The following IPMK variants were observed in gnomAD, a reference collection of about 807,000 sequenced individuals.
The protein encoded by IPMK is inositol polyphosphate multikinase.
IPMK carries 17 observed loss-of-function variants against 45.8 expected under a neutral mutation model. The ratio of observed to expected loss-of-function variants is 0.37; its 90% CI spans 0.25 to 0.56. IPMK has a LOEUF of 0.56. IPMK is among the 20% of genes least tolerant of loss of function. The probability of loss-of-function intolerance (pLI) is 0.79; values close to 1 mark genes in which losing one functional copy is unlikely to be tolerated. For missense variants in IPMK, 399 were observed against 498.0 expected, an observed-to-expected ratio of 0.80 and a Z score of 1.89; for synonymous variants, 180 against 184.3, an observed-to-expected ratio of 0.98 and a Z score of 0.19.
Position 58,196,636 on chromosome 10 carries a change from G to A in IPMK, c.691C>T (p.Gln231Ter). ...LRKDAVAASIQKIEKILQWFE... is the reference protein window; with the variant it reads ...LRKDAVAASI ...CACTGCAGAATTTTCTCAATCTTCT[G>A]AATACTGGCAGCAACAGCATCTTTT... Residue 231 changes from glutamine to a stop codon, truncating the protein, a stop_gained, in exon 6 of 6, where the codon CAG becomes TAG. Coordinates refer to ENST00000373935, the MANE Select transcript of IPMK (RefSeq NM_152230.5). LOFTEE classifies it high-confidence loss of function. The A allele has an allele frequency of 6.2e-7, 1 of 1,613,452 alleles. No individual in the cohort carries two copies.
chr10:58,231,116 C>T (rs1838510047), intron 2 of IPMK, among the ~76,000 whole-genome samples: 1 of 151,848 alleles, frequency 6.6e-6, no homozygotes, highest in African/African-American at 2.4e-5. Flanking sequence ...AGCAAGACGA[C>T]AAGGTTAGAG....
chr10:58,239,148 C>A lies in IPMK; in HGVS notation c.191-1334G>T, dbSNP rs375273277. Among the ~76,000 whole-genome samples the A allele has an allele frequency of 2.6e-5, 4 of 151,860 alleles. No homozygotes were observed. In the South Asian group the frequency reaches 8.3e-4, roughly 32 times the overall value. On this transcript the variant is annotated intron_variant, in intron 1 of 5. Transcript: ENST00000373935. ...TGGGCGACAGAGCGAGAGCCCCTCT[C>A]TAAAAATATTTGTTCAAAATTTTAA...
intron 3 of IPMK, among the ~76,000 whole-genome samples, chr10:58,221,315 T>A (rs759825999): frequency 1.3e-5 from 2 of 151,936 alleles, no homozygotes; most frequent in Non-Finnish European, 2.9e-5. Context: ...CCTCTGAGAC[T>A]ACTATTTCAT....
chr10:58,208,625 T>C (rs1399720979), intron 4 of IPMK, among the ~76,000 whole-genome samples: 1 of 152,190 alleles, frequency 6.6e-6, no homozygotes, highest in Non-Finnish European at 1.5e-5. Context: ...TAGAGAGTCT[T>C]TGTGTGCTGG....
chr10:58,255,794 C>T (rs113263447), intron 1 of IPMK, among the ~76,000 whole-genome samples: 7,781 of 152,136 alleles, frequency 0.051, 295 homozygotes, highest in Non-Finnish European at 0.071. Flanking sequence ...ACGGAGGGAC[C>T]GGCTGAAGCC....
At chr10:58,262,929 G>T (rs925456568) in intron 1 of IPMK, among the ~76,000 whole-genome samples, 1 of 128,962 alleles carries the variant, frequency 7.8e-6, no homozygotes, top group African/African-American at 3.9e-5. Context: ...GAAAGAATGG[G>T]GGGAAAAAAT....
rs72795660 is a variant in IPMK at position 58,217,982 on chromosome 10, C to T, written c.374-1665G>A. On this transcript the variant is annotated intron_variant, in intron 3 of 5. Transcript: ENST00000373935. ...TTTATGCTCAAACAAAAGTGAGAAC[C>T]CAGTTAGGGCTTGAAAAATTTTTAA... 4.3e-3 allele frequency among the ~76,000 whole-genome samples: 651 copies of T among 152,008 alleles called. 2 individuals are homozygous for T. The highest frequency in any genetic ancestry group is 0.01 in the African/African-American group (429 of 41,468).
intron 1 of IPMK, among the ~76,000 whole-genome samples, chr10:58,253,252 C>CA (rs1838911680): frequency 6.6e-6 from 1 of 152,170 alleles, no homozygotes; most frequent in South Asian, 2.1e-4. Flanking sequence ...CCTCCTGAGC[C>CA]ATGTGGAACT....
intron 4 of IPMK, among the ~76,000 whole-genome samples, chr10:58,204,728 G>A (rs553519238): frequency 3.0e-4 from 46 of 152,210 alleles, no homozygotes; most frequent in Non-Finnish European, 1.9e-4. Flanking sequence ...CCAGCAGTTC[G>A]AGGCTGCAGT....
intron 1 of IPMK, among the ~76,000 whole-genome samples, chr10:58,241,320 G>A (rs1295238087): frequency 6.6e-6 from 1 of 152,150 alleles, no homozygotes; most frequent in Non-Finnish European, 1.5e-5. Context: ...CACCAGGGTA[G>A]CTATCACCAA....
intron 4 of IPMK, among the ~76,000 whole-genome samples, chr10:58,208,687 C>A (rs1211470643): frequency 6.6e-6 from 1 of 152,130 alleles, no homozygotes; most frequent in Non-Finnish European, 1.5e-5. Flanking sequence ...TGGGTGAGTT[C>A]ACTGTCTCCT....
chr10:58,225,148 A>G (rs1386386325), intron 3 of IPMK, among the ~76,000 whole-genome samples: 1 of 151,880 alleles, frequency 6.6e-6, no homozygotes, highest in African/African-American at 2.4e-5. Context: ...TCCTCTCTTC[A>G]CTCAGCTTCC....
intron 1 of IPMK, among the ~76,000 whole-genome samples, chr10:58,261,756 A>AT (rs796272343): frequency 3.4e-4 from 52 of 152,096 alleles, no homozygotes; most frequent in African/African-American, 1.3e-3. Flanking sequence ...TAATTTTTGC[A>AT]TTTTTTGTAG....
At chr10:58,224,302 C>G (rs949272754) in intron 3 of IPMK, among the ~76,000 whole-genome samples, 1 of 152,156 alleles carries the variant, frequency 6.6e-6, no homozygotes, top group African/African-American at 2.4e-5. Context: ...ACTTTTCTAT[C>G]CCTCCAAATA....
intron 1 of IPMK, among the ~76,000 whole-genome samples, chr10:58,243,109 T>C (rs546203966): frequency 2.1e-4 from 32 of 152,200 alleles, no homozygotes; most frequent in Admixed American, 1.9e-3. Flanking sequence ...TATAGCAGTG[T>C]GAAAATGAAC....
chr10:58,233,200 G>T (rs1006399661), intron 2 of IPMK, among the ~76,000 whole-genome samples: 1 of 152,122 alleles, frequency 6.6e-6, no homozygotes, highest in African/African-American at 2.4e-5. Flanking sequence ...ACCAAAAAAA[G>T]TCCAGGACCA....
intron 2 of IPMK, among the ~76,000 whole-genome samples, chr10:58,235,058 A>G (rs1177416468): frequency 6.6e-6 from 1 of 152,276 alleles, no homozygotes; most frequent in East Asian, 1.9e-4. Flanking sequence ...CAACAGACAC[A>G]TGAAAAAATG....
chr10:58,202,658 AAAAC>A (rs547764904), intron 4 of IPMK, among the ~76,000 whole-genome samples: 275 of 152,270 alleles, frequency 1.8e-3, no homozygotes, highest in Middle Eastern at 3.4e-3. Flanking sequence ...ACCCTGTCTC[AAAAC>A]AAACAAACAA....
chr10:58,249,681 T>C (rs2132173539), intron 1 of IPMK, among the ~76,000 whole-genome samples: 1 of 152,358 alleles, frequency 6.6e-6, no homozygotes, highest in East Asian at 1.9e-4. Context: ...TCCTTTGTAG[T>C]GCATAAGCTT....
Sources: allele counts gnomAD v4.1 joint callset (sites outside exome capture counted in the v4.1 genomes callset), GRCh38; gene constraint gnomAD v4.1.1; transcripts MANE v1.5; gene names NCBI Gene and HGNC (gene_info 2026-07-23, HGNC 2026-07-21).